The following TVP23A variants were observed in gnomAD, a reference collection of about 807,000 sequenced individuals.
TVP23A encodes trans-golgi network vesicle protein 23 homolog A.
TVP23A carries 21 observed loss-of-function variants against 31.7 expected under a neutral mutation model. The observed-to-expected ratio is 0.66, with a 90% confidence interval of 0.47 to 0.95. TVP23A has a LOEUF of 0.95. TVP23A is among the 40% of genes least tolerant of loss of function. The probability of loss-of-function intolerance (pLI) is 0.00; values close to 1 mark genes in which losing one functional copy is unlikely to be tolerated. For synonymous variants in TVP23A, 104 were observed against 96.0 expected, an observed-to-expected ratio of 1.08 and a Z score of -0.49; for missense variants, 279 against 255.6, an observed-to-expected ratio of 1.09 and a Z score of -0.62.
At chr16:10,771,889 G>A (rs2031652457) in intron 5 of TVP23A, 91 bp from the exon 6 acceptor site, 1 of 1,484,710 alleles carries the variant, frequency 6.7e-7, no homozygotes, top group South Asian at 1.2e-5. Context: ...CACGATCTCA[G>A]CTCACTGCAA....
chr16:10,815,104 A>C (rs34389678), intron 2 of TVP23A, among the ~76,000 whole-genome samples: 12,416 of 152,112 alleles, frequency 0.082, 1,007 homozygotes, highest in East Asian at 0.24. Flanking sequence ...TAAAATACTG[A>C]GTTCTGGCCA....
chr16:10,776,951 C>CT (rs896800784), intron 2 of TVP23A, among the ~76,000 whole-genome samples: 2 of 152,116 alleles, frequency 1.3e-5, no homozygotes, highest in South Asian at 2.1e-4. Context: ...TTTTAGCCGG[C>CT]TTTTTTACTG....
chr16:10,818,626 T>C lies in TVP23A; in HGVS notation c.-133A>G. ...ACGCTGAGGGTCGGGGCCTGCGCCC[T>C]GTGGGGCAGCCTCAGCGCAGCTTCT... is the stretch of plus-strand genomic sequence containing the variant. On this transcript the variant is annotated 5_prime_UTR_variant, in exon 1 of 8. Coordinates refer to ENST00000299866, the MANE Select transcript of TVP23A (RefSeq NM_001079512.4). The surrounding 1 kb of genome is among the most constrained non-coding windows in gnomAD (Gnocchi z 4.7). The C allele has an allele frequency of 6.1e-6, 7 of 1,155,528 alleles. No individual in the cohort carries two copies. The highest frequency in any genetic ancestry group is 8.2e-6 in the Non-Finnish European group (7 of 857,468). The allele number at this position is 1,155,528 out of a possible 1,614,324, so 71.6% of individuals were successfully genotyped here. A position where few individuals can be genotyped will look rare whatever the true frequency, so the allele number is the denominator to read the frequency against.
Position 10,768,002 on chromosome 16 carries a change from G to A in TVP23A, c.*1100C>T. On this transcript the variant is annotated 3_prime_UTR_variant, in exon 8 of 8. Transcript: ENST00000299866. This position sits in a 1 kb window ranked among gnomAD's most constrained non-coding sequence, Gnocchi z 4.3. ...TTTCATTGACGCCCCAGATTCCCCA[G>A]CCACGTTAGCCTACAGAAGTATAAT... is the stretch of plus-strand genomic sequence containing the variant. The A allele has an allele frequency of 6.2e-7, 1 of 1,614,110 alleles. No homozygotes were observed.
At position 10,777,333 on chromosome 16, in the gene TVP23A, T is replaced by C. The variant is rs920842330; in HGVS notation, c.90-2237A>G. On this transcript the variant is annotated intron_variant, in intron 2 of 7. Transcript: ENST00000299866. The surrounding 1 kb of genome is among the most constrained non-coding windows in gnomAD (Gnocchi z 4.5). ...ATGGCCACTAATTCTTTTACTGAAATATCAGTCTGTGTTTCTCACTGGCCT... is the reference window on the plus strand; with the variant it reads ...ATGGCCACTAATTCTTTTACTGAAACATCAGTCTGTGTTTCTCACTGGCCT... Among the ~76,000 whole-genome samples, 1 of 152,086 alleles carries C rather than the reference T, an allele frequency of 6.6e-6. No homozygotes were observed. Among genetic ancestry groups the C allele is most frequent in the Non-Finnish European group, 1.5e-5 (1 of 68,022 alleles).
chr16:10,784,456 A>G (rs1387714018), intron 2 of TVP23A, among the ~76,000 whole-genome samples: 1 of 151,624 alleles, frequency 6.6e-6, no homozygotes, highest in Non-Finnish European at 1.5e-5. Context: ...AGCTACTTGG[A>G]GTGCTAAGGT....
chr16:10,807,309 A>G (rs1034325510), intron 2 of TVP23A, among the ~76,000 whole-genome samples: 4 of 152,190 alleles, frequency 2.6e-5, no homozygotes, highest in African/African-American at 9.7e-5. Flanking sequence ...TGTCATCAAT[A>G]CTGTCACCTG....
intron 2 of TVP23A, among the ~76,000 whole-genome samples, chr16:10,791,489 C>A (rs1249695584): frequency 2.0e-5 from 3 of 152,176 alleles, no homozygotes; most frequent in Non-Finnish European, 2.9e-5. Flanking sequence ...CATAGACAAG[C>A]AAGCTGGAAG....
At chr16:10,790,916 G>A (rs1025430509) in intron 2 of TVP23A, among the ~76,000 whole-genome samples, 16 of 152,128 alleles carry the variant, frequency 1.1e-4, no homozygotes, top group Non-Finnish European at 1.8e-4. Context: ...GCTGTGCCTG[G>A]ATTCCAATGG....
Position 10,768,555 on chromosome 16 carries a change from C to A in TVP23A, c.*547G>T. On this transcript the variant is annotated 3_prime_UTR_variant, in exon 8 of 8. Coordinates refer to ENST00000299866, the MANE Select transcript of TVP23A (RefSeq NM_001079512.4). This position sits in a 1 kb window ranked among gnomAD's most constrained non-coding sequence, Gnocchi z 4.3. ...CTGGGAGGCGGAGGCTGCAGTAAGG[C>A]GAGATCGCGCCACTGCACTCCAGCC... 1 of 157,090 alleles carries A rather than the reference C, an allele frequency of 6.4e-6. No homozygotes were observed. The highest frequency in any genetic ancestry group is 1.4e-5 in the Non-Finnish European group (1 of 71,406). The allele number at this position is 157,090 out of a possible 1,614,324, so 9.7% of individuals were successfully genotyped here.
At position 10,818,523 on chromosome 16, in the gene TVP23A, G is replaced by C. The variant is rs746609577; in HGVS notation, c.-30C>G. The stretch of plus-strand genomic sequence containing the variant: ...CTCCCAGGAGCCCACCTGGCGCCCA[G>C]GCCCGGGGCTCCAGCTCCGCCCGTC... On this transcript the variant is annotated 5_prime_UTR_variant, in exon 1 of 8. Transcript: ENST00000299866. This position sits in a 1 kb window ranked among gnomAD's most constrained non-coding sequence, Gnocchi z 4.7. 1.3e-6 allele frequency: 2 copies of C among 1,599,724 alleles called. No individual in the cohort carries two copies. The highest frequency in any genetic ancestry group is 2.2e-5 in the East Asian group (1 of 44,628).
At chr16:10,757,956 G>C, downstream of TVP23A, 1 of 1,614,124 alleles carries the variant, frequency 6.2e-7, no homozygotes, top group Non-Finnish European at 8.5e-7. This position sits in a 1 kb window ranked among gnomAD's most constrained non-coding sequence, Gnocchi z 4.1. Flanking sequence ...GACGTCGGAT[G>C]AACACCTCTC....
chr16:10,812,015 T>A (rs958002658), intron 2 of TVP23A, among the ~76,000 whole-genome samples: 1 of 143,652 alleles, frequency 7.0e-6, no homozygotes, highest in Non-Finnish European at 1.5e-5. Context: ...GCCTATAGAA[T>A]AAGAGAAAAT....
In TVP23A at chr16:10,774,042, C is replaced by T. The variant is rs2031821562; in HGVS notation, c.321G>A (p.Arg107=). Residue 107 remains arginine (R), a synonymous_variant, in exon 4 of 8, where the codon AGG becomes AGA. Coordinates refer to ENST00000299866, the MANE Select transcript of TVP23A (RefSeq NM_001079512.4). ...DGKSHWIFEA[R]KVSPNSIAAT... ...TTCAGCTCGTCATGGAGAATACCTT[C>T]CTGGCTTCAAAGATCCAGTGGCTCT... The T allele has an allele frequency of 1.9e-6, 3 of 1,610,258 alleles. No individual in the cohort carries two copies. The highest frequency in any genetic ancestry group is 4.5e-5 in the East Asian group (2 of 44,840).
At chr16:10,761,503 C>T in exon 9 of TVP23A, 2 of 1,565,628 alleles carry the variant, frequency 1.3e-6, no homozygotes, top group Non-Finnish European at 1.8e-6. Flanking sequence ...GCCAGGCGAG[C>T]AAGATCTTGC....
chr16:10,807,262 G>A (rs1030124930), intron 2 of TVP23A, among the ~76,000 whole-genome samples: 1 of 152,134 alleles, frequency 6.6e-6, no homozygotes, highest in African/African-American at 2.4e-5. Context: ...TTAGAGATGT[G>A]CTATTGTTGA....
intron 5 of TVP23A, among the ~76,000 whole-genome samples, chr16:10,772,412 C>T (rs1385285274): frequency 1.3e-5 from 2 of 152,198 alleles, no homozygotes; most frequent in Non-Finnish European, 2.9e-5. Flanking sequence ...CTCTGTCACC[C>T]AGGCTGAAGT....
In TVP23A at chr16:10,771,249, C is replaced by A. The variant is rs77269060; in HGVS notation, c.582+421G>T. Among the ~76,000 whole-genome samples, 30 of 152,154 alleles carry A rather than the reference C, an allele frequency of 2.0e-4. 1 individual carries two copies. In the East Asian group the frequency reaches 5.6e-3, roughly 28 times the overall value. On this transcript the variant is annotated intron_variant, in intron 6 of 7. Transcript: ENST00000299866. ...TTATGTAAATCTTACAATTAAAAAA[C>A]AAAACTGCCAGGCACAGTGGCTCAC...
chr16:10,802,601 T>C (rs934223409), intron 2 of TVP23A, among the ~76,000 whole-genome samples: 1 of 152,166 alleles, frequency 6.6e-6, no homozygotes, highest in Non-Finnish European at 1.5e-5. Context: ...CTTGGTAAAA[T>C]GTACCCATCA....
Sources: allele counts gnomAD v4.1 joint callset (sites outside exome capture counted in the v4.1 genomes callset), GRCh38; gene constraint gnomAD v4.1.1; non-coding constraint Gnocchi (gnomAD v3.1); transcripts MANE v1.5; gene names NCBI Gene and HGNC (gene_info 2026-07-23, HGNC 2026-07-21).